The following DMD variants were observed in gnomAD, a reference collection of about 807,000 sequenced individuals.
DMD encodes dystrophin.
A neutral mutation model predicts 330.1 loss-of-function variants in DMD; 63 were observed. The ratio of observed to expected loss-of-function variants is 0.19; its 90% CI spans 0.16 to 0.24. The LOEUF is 0.24. DMD is among the 10% of genes least tolerant of loss of function. The pLI, the probability that DMD is intolerant of heterozygous loss-of-function variation, is 1.00. For missense variants in DMD, 3,344 were observed against 2,684.1 expected, an observed-to-expected ratio of 1.25 and a Z score of -5.43; for synonymous variants, 1,223 against 959.8, an observed-to-expected ratio of 1.27 and a Z score of -5.07.
At chrX:32,364,829 G>A in intron 35 of DMD, 119 bp from the exon 36 acceptor site, 3 of 857,396 alleles carry the variant, frequency 3.5e-6, no homozygotes, top group South Asian at 5.0e-5. Flanking sequence ...TTAGTTTTAA[G>A]TGGTATTTTC....
rs1391657462 is a variant in DMD at position 33,210,638 on chromosome X, C to T, written c.31+644G>A. Among the ~76,000 whole-genome samples, 6 of 111,427 alleles carry T rather than the reference C, an allele frequency of 5.4e-5. No homozygotes were observed. In the Admixed American group the frequency reaches 5.8e-4, roughly 11 times the overall value. The stretch of plus-strand genomic sequence containing the variant: ...AAGAAATCATCTGATCATTTGATAG[C>T]ATAGATCACATCATTATTTGAAATA... On this transcript the variant is annotated intron_variant, in intron 1 of 78. Transcript: ENST00000357033.
At chrX:32,248,857 T>C (rs2097252610) in intron 43 of DMD, among the ~76,000 whole-genome samples, 1 of 111,311 alleles carries the variant, frequency 9.0e-6, no homozygotes, top group Admixed American at 9.6e-5. Flanking sequence ...GATATAGGCA[T>C]TGCTCTTAAA....
At chrX:32,684,269 T>A (rs1201645263) in intron 9 of DMD, among the ~76,000 whole-genome samples, 1 of 111,719 alleles carries the variant, frequency 9.0e-6, no homozygotes, top group Non-Finnish European at 1.9e-5. Flanking sequence ...CACACAGATA[T>A]ATACTCTATT....
chrX:32,531,733 G>A (rs1433192216), intron 17 of DMD, among the ~76,000 whole-genome samples: 1 of 109,614 alleles, frequency 9.1e-6, no homozygotes, highest in Non-Finnish European at 1.9e-5. Flanking sequence ...TTTTTCTTTT[G>A]TTCCAAATAA....
At chrX:32,218,899 C>T (rs1338693033) in intron 43 of DMD, among the ~76,000 whole-genome samples, 1 of 112,044 alleles carries the variant, frequency 8.9e-6, no homozygotes, top group Admixed American at 9.5e-5. Context: ...TGAAGCTTCA[C>T]TTTATCAGTT....
chrX:31,846,976 C>T (rs2093438690), intron 48 of DMD, among the ~76,000 whole-genome samples: 2 of 111,738 alleles, frequency 1.8e-5, no homozygotes, highest in Non-Finnish European at 3.8e-5. Flanking sequence ...CTCCAAAGTA[C>T]TAAGTGGGTG....
chrX:31,694,618 A>ATATATATG (rs1491452779), intron 52 of DMD, among the ~76,000 whole-genome samples: 4 of 29,495 alleles, frequency 1.4e-4, no homozygotes, highest in African/African-American at 8.0e-4. Flanking sequence ...GACAAACAGC[A>ATATATATG]TATATATATA....
At chrX:32,343,468 G>A (rs887726534) in intron 39 of DMD, among the ~76,000 whole-genome samples, 182 bp from the exon 40 acceptor site, 3 of 112,090 alleles carry the variant, frequency 2.7e-5, no homozygotes, top group Non-Finnish European at 5.6e-5. Context: ...CGGGACCCAT[G>A]TATAGGAAGC....
chrX:31,467,423 CAT>C (rs751151580), intron 59 of DMD, among the ~76,000 whole-genome samples: 3 of 111,602 alleles, frequency 2.7e-5, no homozygotes, highest in South Asian at 7.6e-4. Context: ...TTGAGATAAT[CAT>C]GTGGTTTTTG....
chrX:31,945,219 A>C (rs1205505813), intron 45 of DMD, among the ~76,000 whole-genome samples: 1 of 112,567 alleles, frequency 8.9e-6, no homozygotes, highest in Non-Finnish European at 1.9e-5. Context: ...GTATTTTATC[A>C]ACAAATATTT....
intron 62 of DMD, among the ~76,000 whole-genome samples, chrX:31,293,241 GTGTGTAA>G (rs2148012681): frequency 1.1e-5 from 1 of 94,843 alleles, no homozygotes; most frequent in African/African-American, 4.1e-5. Context: ...GTGTGTGTGT[GTGTGTAA>G]TCTGGTTTAG....
chrX:31,916,968 A>G (rs772835116), intron 47 of DMD, among the ~76,000 whole-genome samples: 2 of 112,268 alleles, frequency 1.8e-5, no homozygotes, highest in Non-Finnish European at 3.8e-5. Flanking sequence ...ATATCAAGAG[A>G]CAAAATCTTT....
At chrX:32,913,601 C>T (rs1354914126) in intron 2 of DMD, among the ~76,000 whole-genome samples, 1 of 111,866 alleles carries the variant, frequency 8.9e-6, no homozygotes, top group Admixed American at 9.5e-5. Context: ...CCAGTTGGAA[C>T]TGTGTAGCAG....
At chrX:32,222,862 C>T (rs2097136347) in intron 43 of DMD, among the ~76,000 whole-genome samples, 1 of 111,744 alleles carries the variant, frequency 8.9e-6, no homozygotes, top group Non-Finnish European at 1.9e-5. Context: ...ATTATTTCAG[C>T]ATAGAATCCA....
chrX:32,816,566 G>A lies in DMD; in HGVS notation c.432C>T (p.Val144=). Residue 144 remains valine (V), a synonymous_variant, in exon 6 of 79, where the codon GTC becomes GTT. Coordinates refer to ENST00000357033, the MANE Select transcript of DMD (RefSeq NM_004006.3). ...TNSEKILLSW[V]RQSTRNYPQV... is the part of the protein sequence containing the mutation. ...GTGGATAATTACGAGTTGATTGTCG[G>A]ACCCAGCTCAGGAGAATCTTTTCAC... The A allele has an allele frequency of 8.3e-7, 1 of 1,211,307 alleles. No homozygotes were observed. Among genetic ancestry groups the A allele is most frequent in the South Asian group, 1.8e-5 (1 of 56,974 alleles).
intron 4 of DMD, among the ~76,000 whole-genome samples, chrX:32,827,746 C>A (rs756820674): frequency 9.2e-6 from 1 of 108,344 alleles, no homozygotes; most frequent in Non-Finnish European, 1.9e-5. Flanking sequence ...CCACAACCTC[C>A]GCCTCCCGAG....
At chrX:32,002,763 T>C (rs920893565) in intron 44 of DMD, among the ~76,000 whole-genome samples, 1 of 111,191 alleles carries the variant, frequency 9.0e-6, no homozygotes, top group African/African-American at 3.3e-5. Context: ...CTAGTCACTA[T>C]GATCATAATA....
chrX:32,816,318 C>T, intron 6 of DMD, 150 bp downstream of exon 6: 1 of 590,031 alleles, frequency 1.7e-6, no homozygotes, highest in Admixed American at 2.9e-5. Context: ...TTAATTAGTT[C>T]ATTCCAATGG....
chrX:32,732,853 A>G (rs1444581078), intron 7 of DMD, among the ~76,000 whole-genome samples: 2 of 110,421 alleles, frequency 1.8e-5, no homozygotes, highest in East Asian at 5.7e-4. Flanking sequence ...AACTGCATCA[A>G]CTAACGAGCA....
Sources: gnomAD v4.1 joint callset for allele counts (sites outside exome capture counted in the v4.1 genomes callset) on GRCh38, gnomAD v4.1.1 for gene constraint, MANE v1.5 for transcripts, NCBI Gene and HGNC (gene_info 2026-07-23, HGNC 2026-07-21) for gene names.